Variants in PTPN5 observed in about 807,000 individuals in gnomAD.
PTPN5 encodes the protein protein tyrosine phosphatase non-receptor type 5, also known as tyrosine-protein phosphatase non-receptor type 5.
Under a neutral mutation model 73.9 loss-of-function variants are expected in PTPN5, and 29 were observed. The observed-to-expected ratio is 0.39, with a 90% CI of 0.29 to 0.54. The LOEUF is 0.54. Ranked by LOEUF, PTPN5 falls within the 20% of genes least tolerant of loss-of-function variation. PTPN5 has a pLI of 0.65. For missense variants in PTPN5, 652 were observed against 751.4 expected, an observed-to-expected ratio of 0.87 and a Z score of 1.55; for synonymous variants, 267 against 304.7, an observed-to-expected ratio of 0.88 and a Z score of 1.29.
intron 1 of PTPN5, among the ~76,000 whole-genome samples, chr11:18,780,026 G>A (rs921044861): frequency 6.6e-6 from 1 of 152,178 alleles, no homozygotes; most frequent in Non-Finnish European, 1.5e-5. Flanking sequence ...TGCTGACCTG[G>A]CTCGAAGCTT....
chr11:18,768,382 G>A (rs189414691), intron 2 of PTPN5, among the ~76,000 whole-genome samples: 1 of 152,338 alleles, frequency 6.6e-6, no homozygotes, highest in East Asian at 1.9e-4. Flanking sequence ...CAGGGATTGT[G>A]TTTGAGAGCA....
chr11:18,753,553 C>T (rs1849988444), intron 3 of PTPN5, among the ~76,000 whole-genome samples: 1 of 145,262 alleles, frequency 6.9e-6, no homozygotes, highest in African/African-American at 2.4e-5. Flanking sequence ...CTTACCTCCC[C>T]AGACTCTACC....
chr11:18,777,032 G>A (rs1647584057), intron 1 of PTPN5, among the ~76,000 whole-genome samples: 1 of 152,224 alleles, frequency 6.6e-6, no homozygotes, highest in South Asian at 2.1e-4. Flanking sequence ...GTGGTGGCGG[G>A]CGCCTGTAAT....
chr11:18,729,527 GC>G lies in PTPN5; in HGVS notation c.1529del (p.Ser510ThrfsTer16). On this transcript the variant is annotated frameshift_variant, in exon 14 of 15. Coordinates refer to ENST00000358540, the MANE Select transcript of PTPN5 (RefSeq NM_006906.2). LOFTEE classifies it high-confidence loss of function. The surrounding 1 kb of genome is among the most constrained non-coding windows in gnomAD (Gnocchi z 5.2). ...CCTGCCGCAGCTGCTGGCAGCAGATGCTGGTGGCAATGAAGCAGCCGGTCCT... is the reference window on the plus strand; with the variant it reads ...CCTGCCGCAGCTGCTGGCAGCAGATGTGGTGGCAATGAAGCAGCCGGTCCT... ...IGRTGCFIAT[S>X]ICCQQLRQEG... 1 of 1,601,290 alleles carries G rather than the reference GC, an allele frequency of 6.2e-7. No homozygotes were observed. Among genetic ancestry groups the G allele is most frequent in the East Asian group, 2.2e-5 (1 of 44,842 alleles).
At chr11:18,747,466 G>C (rs1849693984) in intron 3 of PTPN5, among the ~76,000 whole-genome samples, 1 of 152,068 alleles carries the variant, frequency 6.6e-6, no homozygotes, top group Non-Finnish European at 1.5e-5. Context: ...TAAGATATAT[G>C]GGTGTTCTGC....
At chr11:18,757,657 T>C (rs1422517194) in intron 3 of PTPN5, among the ~76,000 whole-genome samples, 1 of 152,192 alleles carries the variant, frequency 6.6e-6, no homozygotes, top group Non-Finnish European at 1.5e-5. Flanking sequence ...ATGTGTGGGC[T>C]GGGGTACCCA....
Position 18,729,450 on chromosome 11 carries a change from G to C in PTPN5, c.1604+3C>G, listed in dbSNP as rs927973743. The C allele has an allele frequency of 8.3e-6, 12 of 1,447,162 alleles. No homozygotes were observed. The highest frequency in any genetic ancestry group is 1.4e-5 in the African/African-American group (1 of 72,000). 89.6% of individuals were successfully genotyped at this position (1,447,162 alleles called of 1,614,324 possible). On this transcript the variant is annotated splice_donor_region_variant and intron_variant, in intron 14 of 14. Coordinates refer to ENST00000358540, the MANE Select transcript of PTPN5 (RefSeq NM_006906.2). The surrounding 1 kb of genome is among the most constrained non-coding windows in gnomAD (Gnocchi z 5.2). ...GTGTCCCCACTCCCGCCCGTGGGCT[G>C]ACCTGTCCTGACGGAGCTGGCACGT...
intron 3 of PTPN5, among the ~76,000 whole-genome samples, chr11:18,752,838 G>A (rs1341718981): frequency 6.6e-6 from 1 of 152,236 alleles, no homozygotes; most frequent in Non-Finnish European, 1.5e-5. Context: ...CCCAGTGCCT[G>A]AGACTTAAGC....
intron 3 of PTPN5, among the ~76,000 whole-genome samples, chr11:18,752,308 G>T (rs990524622): frequency 6.6e-6 from 1 of 152,212 alleles, no homozygotes; most frequent in East Asian, 1.9e-4. Flanking sequence ...TTAGCCTGCT[G>T]CCTGGCACAT....
At chr11:18,747,138 T>C (rs931727960) in intron 3 of PTPN5, among the ~76,000 whole-genome samples, 13 of 135,964 alleles carry the variant, frequency 9.6e-5, no homozygotes, top group Non-Finnish European at 2.0e-4. Flanking sequence ...TAACATGATC[T>C]TGGACTTGGC....
At chr11:18,789,800 T>A (rs1241033638) in intron 1 of PTPN5, among the ~76,000 whole-genome samples, 1 of 152,034 alleles carries the variant, frequency 6.6e-6, no homozygotes, top group Non-Finnish European at 1.5e-5. Flanking sequence ...GGGGGAAAGG[T>A]GGGAGGTGGA....
intron 1 of PTPN5, among the ~76,000 whole-genome samples, chr11:18,777,260 C>T (rs1851203178): frequency 6.6e-6 from 1 of 152,220 alleles, no homozygotes; most frequent in African/African-American, 2.4e-5. Context: ...CACTGGCTGC[C>T]TGATCTTGGG....
chr11:18,744,748 G>A (rs1332511840), intron 3 of PTPN5, among the ~76,000 whole-genome samples: 2 of 152,180 alleles, frequency 1.3e-5, no homozygotes, highest in East Asian at 3.9e-4. Context: ...CAGTTAGGGC[G>A]AAGTGCCGGA....
chr11:18,780,078 C>T (rs1851350669), intron 1 of PTPN5, among the ~76,000 whole-genome samples: 1 of 152,204 alleles, frequency 6.6e-6, no homozygotes, highest in Non-Finnish European at 1.5e-5. Flanking sequence ...ACAGGAGACA[C>T]TCCTGCTCTT....
Position 18,783,486 on chromosome 11 carries a change from C to T in PTPN5, c.-114+8039G>A, listed in dbSNP as rs191028509. 5.9e-5 allele frequency among the ~76,000 whole-genome samples: 9 copies of T among 152,358 alleles called. No homozygotes were observed. In the East Asian group the frequency reaches 1.2e-3, roughly 20 times the overall value. On this transcript the variant is annotated intron_variant, in intron 1 of 14. Coordinates refer to ENST00000358540, the MANE Select transcript of PTPN5 (RefSeq NM_006906.2). ...GGCAGGTGTCTCTCCTGTGTTCCCA[C>T]AGCCCTACAGAGCACAGTTACTGCC...
chr11:18,762,521 A>G (rs1031843674), intron 3 of PTPN5, among the ~76,000 whole-genome samples: 1 of 152,024 alleles, frequency 6.6e-6, no homozygotes, highest in African/African-American at 2.4e-5. Flanking sequence ...CACAAATTCA[A>G]TGTGAATTTA....
chr11:18,764,148 T>C (rs1375960013), intron 3 of PTPN5, among the ~76,000 whole-genome samples: 1 of 152,254 alleles, frequency 6.6e-6, no homozygotes, highest in Non-Finnish European at 1.5e-5. Flanking sequence ...TGTCTATCTA[T>C]CTAGTACTTG....
intron 11 of PTPN5, among the ~76,000 whole-genome samples, 158 bp from the exon 12 acceptor site, chr11:18,732,860 C>G (rs560103622): frequency 6.6e-6 from 1 of 152,328 alleles, no homozygotes; most frequent in African/African-American, 2.4e-5. Context: ...AAGCTACTTC[C>G]GTTTCCTGAG....
chr11:18,784,469 C>T lies in PTPN5; in HGVS notation c.-114+7056G>A, dbSNP rs946492459. Reference sequence around the variant, plus strand: ...GAATTTATGGAGACAGAAAGTAGAACGGAGGTCACCAGAGGCTGGGGGAGA... The same window carrying T: ...GAATTTATGGAGACAGAAAGTAGAATGGAGGTCACCAGAGGCTGGGGGAGA... On this transcript the variant is annotated intron_variant, in intron 1 of 14. Transcript: ENST00000358540. Among the ~76,000 whole-genome samples the T allele has an allele frequency of 5.3e-5, 8 of 152,058 alleles. No individual in the cohort carries two copies. The East Asian group carries it at 7.7e-4, about 15-fold the overall frequency.
Sources: gnomAD v4.1 joint callset for allele counts (sites outside exome capture counted in the v4.1 genomes callset) on GRCh38, gnomAD v4.1.1 for gene constraint, Gnocchi (gnomAD v3.1) non-coding constraint, MANE v1.5 for transcripts, NCBI Gene and HGNC (gene_info 2026-07-23, HGNC 2026-07-21) for gene names.